CADM2: variants seen among roughly 807,000 people sequenced by gnomAD.
The protein encoded by CADM2 is cell adhesion molecule 2, also known as immunoglobulin superfamily member 4D.
Under a neutral mutation model 49.8 loss-of-function variants are expected in CADM2, and 12 were observed. The ratio of observed to expected loss-of-function variants is 0.24; its 90% CI spans 0.15 to 0.39. The LOEUF (loss-of-function observed/expected upper bound fraction) is 0.39. Among genes scored for constraint, CADM2 ranks in the 10% least tolerant of loss-of-function variants. The pLI is 1.00. For synonymous variants in CADM2, 214 were observed against 175.4 expected (o/e 1.22, Z -1.74); for missense variants, 378 against 492.3 (o/e 0.77, Z 2.20).
chr3:85,036,997 G>GAAAA (rs10566030), intron 1 of CADM2, among the ~76,000 whole-genome samples: 4 of 78,012 alleles, frequency 5.1e-5, no homozygotes, highest in Non-Finnish European at 7.7e-5. Context: ...ACTAAAAATA[G>GAAAA]AAAAAAAAAA....
intron 1 of CADM2, among the ~76,000 whole-genome samples, chr3:85,641,790 G>A (rs2064723825): frequency 2.0e-5 from 3 of 151,758 alleles, no homozygotes; most frequent in Non-Finnish European, 4.4e-5. Context: ...AAATAGCCAG[G>A]TGTGGTGGCA....
intron 1 of CADM2, among the ~76,000 whole-genome samples, chr3:85,181,793 T>TA (rs2040942278): frequency 6.6e-6 from 1 of 150,944 alleles, no homozygotes; most frequent in African/African-American, 2.4e-5. Flanking sequence ...TATTGTTATA[T>TA]ATCTCTCTCT....
chr3:85,184,174 A>AT (rs1401819535), intron 1 of CADM2, among the ~76,000 whole-genome samples: 2 of 152,052 alleles, frequency 1.3e-5, no homozygotes, highest in African/African-American at 4.8e-5. Flanking sequence ...AAGATAATAA[A>AT]TGAAAAAAAA....
intron 3 of CADM2, among the ~76,000 whole-genome samples, chr3:85,827,530 A>T (rs1185476513): frequency 2.0e-5 from 3 of 151,932 alleles, no homozygotes; most frequent in Non-Finnish European, 2.9e-5. Context: ...TAAATTAAGC[A>T]ATGGGGGATT....
chr3:85,090,791 C>A (rs959099570), intron 1 of CADM2, among the ~76,000 whole-genome samples: 4 of 152,118 alleles, frequency 2.6e-5, no homozygotes, highest in African/African-American at 7.2e-5. Context: ...ACTGCACATG[C>A]GAGGGCTCTA....
intron 3 of CADM2, among the ~76,000 whole-genome samples, chr3:85,875,601 C>T (rs892916839): frequency 6.6e-5 from 10 of 152,104 alleles, no homozygotes; most frequent in Non-Finnish European, 1.3e-4. Flanking sequence ...AAATCCTTGT[C>T]CTGATTCTGA....
chr3:85,227,452 C>CTTTTTT (rs143104896), intron 1 of CADM2, among the ~76,000 whole-genome samples: 1 of 120,846 alleles, frequency 8.3e-6, no homozygotes, highest in East Asian at 2.4e-4. Context: ...GCAACCCCTG[C>CTTTTTT]TTTTTTTTTT....
At chr3:85,900,921 T>TC (rs1197116883) in intron 5 of CADM2, among the ~76,000 whole-genome samples, 1 of 152,232 alleles carries the variant, frequency 6.6e-6, no homozygotes, top group African/African-American at 2.4e-5. Context: ...AGGTAGCTTT[T>TC]CCCATTACCT....
chr3:85,672,822 T>A (rs1211209926), intron 1 of CADM2, among the ~76,000 whole-genome samples: 3 of 152,194 alleles, frequency 2.0e-5, no homozygotes, highest in Non-Finnish European at 2.9e-5. Flanking sequence ...TCGGGCTATT[T>A]AGAAAATGCA....
chr3:85,106,330 A>G lies in CADM2; in HGVS notation c.61+146662A>G, dbSNP rs146611814. 2.9e-3 allele frequency among the ~76,000 whole-genome samples: 438 copies of G among 152,234 alleles called. 4 individuals carry two copies. The highest frequency in any genetic ancestry group is 0.01 in the African/African-American group (426 of 41,562). ...TTCCCTTAGGATTCCAGGGCAATAA[A>G]GCTAATAGTAGCACAAAAGGCAAAT... On this transcript the variant is annotated intron_variant, in intron 1 of 9. Transcript: ENST00000383699.
At position 85,351,267 on chromosome 3, in the gene CADM2, C is replaced by A. The variant is rs547589061; in HGVS notation, c.62-375255C>A. On this transcript the variant is annotated intron_variant, in intron 1 of 9. Coordinates refer to ENST00000383699, the MANE Select transcript of CADM2 (RefSeq NM_001167675.2). ...TTTGTTTGAACTTACAAGGAAGCTG[C>A]CACCAGCTGGTATCGCTTACCATAG... Among the ~76,000 whole-genome samples, 30 of 152,192 alleles carry A rather than the reference C, an allele frequency of 2.0e-4. No individual in the cohort carries two copies. The Middle Eastern group carries it at 0.01, about 52-fold the overall frequency.
At chr3:85,882,794 C>T (rs778531258) in intron 3 of CADM2, among the ~76,000 whole-genome samples, 1 of 152,122 alleles carries the variant, frequency 6.6e-6, no homozygotes, top group African/African-American at 2.4e-5. Flanking sequence ...TTTACAGGTG[C>T]CTTTCTGCTC....
intron 3 of CADM2, among the ~76,000 whole-genome samples, chr3:85,829,745 C>T (rs2074099623): frequency 6.6e-6 from 1 of 151,942 alleles, no homozygotes; most frequent in Non-Finnish European, 1.5e-5. Flanking sequence ...TGAAATTTCA[C>T]ATATAAGTGA....
intron 2 of CADM2, among the ~76,000 whole-genome samples, chr3:85,769,542 TATATA>T: frequency 1.3e-5 from 1 of 77,558 alleles, no homozygotes. Context: ...TATATACACG[TATATA>T]CATATATGTA....
intron 1 of CADM2, among the ~76,000 whole-genome samples, chr3:85,284,925 C>T (rs375945933): frequency 6.6e-6 from 1 of 151,730 alleles, no homozygotes; most frequent in East Asian, 1.9e-4. Flanking sequence ...GGAGAGACAA[C>T]GAAAAAAAGC....
chr3:85,105,352 C>T (rs938557948), intron 1 of CADM2, among the ~76,000 whole-genome samples: 3 of 152,126 alleles, frequency 2.0e-5, no homozygotes, highest in South Asian at 2.1e-4. Flanking sequence ...AAAATGCTCA[C>T]CATCACTGGC....
At chr3:85,038,461 A>C (rs1285459405) in intron 1 of CADM2, among the ~76,000 whole-genome samples, 2 of 152,200 alleles carry the variant, frequency 1.3e-5, no homozygotes. Flanking sequence ...AGTGGATAGC[A>C]CTGTGTTTAA....
chr3:86,012,985 A>T lies in CADM2; in HGVS notation c.970+51338A>T, dbSNP rs1324425391. 4.5e-6 allele frequency: 4 copies of T among 879,534 alleles called. No homozygotes were observed. In the African/African-American group the frequency reaches 4.9e-5, roughly 11 times the overall value. 54.5% of individuals were successfully genotyped at this position (879,534 alleles called of 1,614,324 possible). A position where few individuals can be genotyped will look rare whatever the true frequency, so the allele number is the denominator to read the frequency against. ...GAGACTCCATCTCAAAAACAAAAAC[A>T]AAAACCTGATCAGCTAAATAAACAT... is the stretch of plus-strand genomic sequence containing the variant. On this transcript the variant is annotated intron_variant, in intron 8 of 9. Transcript: ENST00000383699.
intron 1 of CADM2, among the ~76,000 whole-genome samples, chr3:85,328,939 C>T (rs2044831856): frequency 6.6e-6 from 1 of 150,586 alleles, no homozygotes; most frequent in South Asian, 2.1e-4. Flanking sequence ...GACCTGAAAC[C>T]CATTACCCTC....
Sources: allele counts gnomAD v4.1 joint callset (sites outside exome capture counted in the v4.1 genomes callset), GRCh38; gene constraint gnomAD v4.1.1; transcripts MANE v1.5; gene names NCBI Gene and HGNC (gene_info 2026-07-23, HGNC 2026-07-21).